RAD17: variants seen among roughly 807,000 people sequenced by gnomAD.
RAD17 encodes the protein RAD17 checkpoint clamp loader component.
RAD17 carries 31 observed loss-of-function variants against 81.5 expected under a neutral mutation model. The ratio of observed to expected loss-of-function variants is 0.38; its 90% CI spans 0.29 to 0.51. The LOEUF is 0.51. Ranked by LOEUF, RAD17 falls within the 20% of genes least tolerant of loss-of-function variation. The probability of loss-of-function intolerance (pLI) is 0.88; values close to 1 mark genes in which losing one functional copy is unlikely to be tolerated. For synonymous variants in RAD17, 261 were observed against 266.2 expected, an observed-to-expected ratio of 0.98 and a Z score of 0.19; for missense variants, 681 against 781.2, an observed-to-expected ratio of 0.87 and a Z score of 1.53.
intron 12 of RAD17, among the ~76,000 whole-genome samples, chr5:69,390,243 A>T (rs572700983): frequency 4.6e-5 from 7 of 152,314 alleles, no homozygotes; most frequent in Non-Finnish European, 1.0e-4. Context: ...TTCTCATATC[A>T]ACCTGATGAG....
At position 69,400,096 on chromosome 5, in the gene RAD17, C is replaced by T. The variant is rs751952028; in HGVS notation, c.1620C>T (p.Cys540=). 3.1e-6 allele frequency: 5 copies of T among 1,603,970 alleles called. No homozygotes were observed. Among genetic ancestry groups the T allele is most frequent in the Non-Finnish European group, 4.3e-6 (5 of 1,175,468 alleles). Residue 540 remains cysteine, a synonymous_variant, in exon 17 of 19, where the codon TGC becomes TGT. Transcript: ENST00000354868. ...LAAKALFPDF[C]LPALCLQTQL... ...CAAAAGCACTTTTTCCTGACTTCTG[C>T]CTACCAGCTTTATGCCTCCAAACTC...
intron 11 of RAD17, among the ~76,000 whole-genome samples, chr5:69,386,790 G>T (rs1429706534): frequency 6.6e-6 from 1 of 151,798 alleles, no homozygotes; most frequent in African/African-American, 2.4e-5. Flanking sequence ...CTATTGTCCT[G>T]TTGTCACTTT....
chr5:69,380,032 C>T (rs969923999), intron 6 of RAD17, among the ~76,000 whole-genome samples: 1 of 152,004 alleles, frequency 6.6e-6, no homozygotes, highest in Admixed American at 6.6e-5. Flanking sequence ...AGGAGTGCAC[C>T]ACCACGCCCG....
At chr5:69,389,390 A>T (rs911770592) in intron 12 of RAD17, among the ~76,000 whole-genome samples, 3 of 152,166 alleles carry the variant, frequency 2.0e-5, no homozygotes, top group African/African-American at 7.2e-5. Flanking sequence ...TTAGAACCAG[A>T]TTTCCTGGAT....
intron 17 of RAD17, among the ~76,000 whole-genome samples, chr5:69,405,304 G>A (rs1397125781): frequency 3.3e-5 from 5 of 151,024 alleles, no homozygotes; most frequent in Non-Finnish European, 1.5e-5. Flanking sequence ...GAGTTTGAGA[G>A]CAGCCTGGCA....
chr5:69,374,766 A>C (rs1057139523), intron 6 of RAD17, 55 bp downstream of exon 6: 1 of 1,381,468 alleles, frequency 7.2e-7, no homozygotes, highest in African/African-American at 1.5e-5. Context: ...TCTGACTTAC[A>C]GTGTGTTGTT....
chr5:69,402,626 G>C (rs1765346089), intron 17 of RAD17, among the ~76,000 whole-genome samples: 1 of 149,188 alleles, frequency 6.7e-6, no homozygotes, highest in Non-Finnish European at 1.5e-5. Flanking sequence ...CTGCACTCCA[G>C]CCTGGGAGAC....
chr5:69,372,986 C>CA (rs1243576645), intron 4 of RAD17, among the ~76,000 whole-genome samples: 1 of 152,140 alleles, frequency 6.6e-6, no homozygotes, highest in Admixed American at 6.6e-5. Flanking sequence ...TTGCTTCATA[C>CA]ACTGAAGAAA....
At position 69,389,068 on chromosome 5, in the gene RAD17, C is replaced by G. The variant is rs770477029; in HGVS notation, c.929C>G (p.Ser310Cys). ...AAAATTACTGTCCCTGACAAAACTT[C>G]TCTAGAGTTGCTCTGTCAGGGATGT... The part of the protein sequence containing the change: ...GGKITVPDKT[S>C]LELLCQGCSG... Residue 310 changes from serine (S) to cysteine (C), a missense_variant, in exon 12 of 19, where the codon TCT becomes TGT. Coordinates refer to ENST00000354868, the MANE Select transcript of RAD17 (RefSeq NM_133338.3). 25 of 1,547,804 alleles carry G rather than the reference C, an allele frequency of 1.6e-5. No homozygotes were observed. Among genetic ancestry groups the G allele is most frequent in the Non-Finnish European group, 2.1e-5 (24 of 1,148,588 alleles).
intron 17 of RAD17, among the ~76,000 whole-genome samples, chr5:69,408,506 CTTTTTTTT>C (rs913594965): frequency 1.1e-3 from 101 of 88,452 alleles, no homozygotes; most frequent in African/African-American, 3.9e-3. Flanking sequence ...ACCCTAATTA[CTTTTTTTT>C]TTTTTTTTTT....
chr5:69,374,923 C>T (rs1036221239), intron 6 of RAD17, among the ~76,000 whole-genome samples: 1 of 152,040 alleles, frequency 6.6e-6, no homozygotes, highest in Non-Finnish European at 1.5e-5. Context: ...CCCAGGAGTT[C>T]GAGAGCAGCC....
chr5:69,376,590 G>A lies in RAD17; in HGVS notation c.351+1879G>A, dbSNP rs891166013. Among the ~76,000 whole-genome samples the A allele has an allele frequency of 7.2e-5, 11 of 152,246 alleles. No individual in the cohort carries two copies. In the South Asian group the frequency reaches 8.3e-4, roughly 11 times the overall value. On this transcript the variant is annotated intron_variant, in intron 6 of 18. Transcript: ENST00000354868. Reference sequence around the variant, plus strand: ...CCCAACACATGCATAGCCTTCTCCCGTTACTAACCTTCCCTCACCAGAGTA... The same window carrying A: ...CCCAACACATGCATAGCCTTCTCCCATTACTAACCTTCCCTCACCAGAGTA...
chr5:69,410,524 G>C lies in RAD17; in HGVS notation c.1725G>C (p.Arg575Ser), dbSNP rs374626526. ...AQISFIQDIG[R>S]LPLKRHFGRL... ...TTTCTTTTATCCAAGATATTGGAAG[G>C]CTCCCTCTGAAGCGACACTTTGGAA... Residue 575 changes from arginine to serine, a missense_variant, in exon 18 of 19, where the codon AGG (arginine) becomes AGC (serine). By Grantham distance (110) the Arg-to-Ser change is moderately radical. Coordinates refer to ENST00000354868, the MANE Select transcript of RAD17 (RefSeq NM_133338.3). 5.0e-6 allele frequency: 8 copies of C among 1,613,122 alleles called. No homozygotes were observed. Among genetic ancestry groups the C allele is most frequent in the African/African-American group, 4.0e-5 (3 of 74,870 alleles).
At chr5:69,382,454 ATAAAT>A (rs1269305888) in intron 7 of RAD17, among the ~76,000 whole-genome samples, 1 of 152,218 alleles carries the variant, frequency 6.6e-6, no homozygotes, top group Non-Finnish European at 1.5e-5. Context: ...CAAAAAATAA[ATAAAT>A]AAAAGTTATT....
chr5:69,372,093 A>G lies in RAD17; in HGVS notation c.-116A>G, dbSNP rs970985531. The G allele has an allele frequency of 7.0e-7, 1 of 1,436,056 alleles. No individual in the cohort carries two copies. The highest frequency in any genetic ancestry group is 1.4e-5 in the African/African-American group (1 of 69,114). 89.0% of individuals were successfully genotyped at this position (1,436,056 alleles called of 1,614,324 possible). A position where few individuals can be genotyped will look rare whatever the true frequency, so the allele number is the denominator to read the frequency against. ...CTATAAAATGTATAAATAATTTGCA[A>G]ATCAGAATTGCTGTCGAAAGTTTTA... On this transcript the variant is annotated 5_prime_UTR_variant, in exon 4 of 19. Transcript: ENST00000354868.
At chr5:69,407,535 G>T in intron 17 of RAD17, among the ~76,000 whole-genome samples, 1 of 83,272 alleles carries the variant, frequency 1.2e-5, no homozygotes, top group Admixed American at 1.2e-4. Flanking sequence ...TATTTCTTCT[G>T]TCTTCTATAT....
At chr5:69,412,826 T>C (rs923750644) in intron 18 of RAD17, among the ~76,000 whole-genome samples, 3 of 151,924 alleles carry the variant, frequency 2.0e-5, no homozygotes, top group African/African-American at 7.3e-5. Context: ...CTATCTCTGC[T>C]AAAAATACAA....
At chr5:69,392,771 T>C in intron 13 of RAD17, 1 of 448,522 alleles carries the variant, frequency 2.2e-6, no homozygotes, top group Non-Finnish European at 4.5e-6. Flanking sequence ...CTTGCATTAG[T>C]GAATGGAATT....
upstream of RAD17, chr5:69,369,405 G>A (rs1762746167): frequency 1.3e-6 from 2 of 1,593,720 alleles, no homozygotes; most frequent in Non-Finnish European, 1.7e-6. Context: ...CCGATGCCCA[G>A]AGCACTCTGC....
Sources: gnomAD v4.1 joint callset for allele counts (sites outside exome capture counted in the v4.1 genomes callset) on GRCh38, gnomAD v4.1.1 for gene constraint, MANE v1.5 for transcripts, NCBI Gene and HGNC (gene_info 2026-07-23, HGNC 2026-07-21) for gene names.